Variants in LOC400499 observed in about 807,000 individuals in gnomAD.
At chr16:11,436,337 T>C in the LOC400499 span, among the ~76,000 whole-genome samples, 7 of 152,052 alleles carry the variant, frequency 4.6e-5, no homozygotes, top group African/African-American at 1.7e-4. Context: ...TCAAAGAGGA[T>C]GGCATCTGGG....
chr16:11,463,786 T>C, the LOC400499 span, among the ~76,000 whole-genome samples: 1 of 152,178 alleles, frequency 6.6e-6, no homozygotes, highest in African/African-American at 2.4e-5. Flanking sequence ...CAGATGTGTC[T>C]ACATATGGAT....
chr16:11,526,800 C>T, the LOC400499 span, among the ~76,000 whole-genome samples: 2 of 152,118 alleles, frequency 1.3e-5, no homozygotes, highest in South Asian at 4.1e-4. Context: ...CAGCCTCGAC[C>T]TGCTGGGCTC....
the LOC400499 span, among the ~76,000 whole-genome samples, chr16:11,413,986 G>A: frequency 6.6e-6 from 1 of 152,268 alleles, no homozygotes; most frequent in East Asian, 1.9e-4. Flanking sequence ...AGCCTGAGGA[G>A]GATGAGACTG....
At chr16:11,514,477 G>A in the LOC400499 span, 200 of 399,480 alleles carry the variant, frequency 5.0e-4, 2 homozygotes, top group African/African-American at 3.1e-3. Context: ...CTGTGCAGGA[G>A]GCCTCCCTCA....
the LOC400499 span, among the ~76,000 whole-genome samples, chr16:11,498,060 G>A: frequency 1.3e-5 from 2 of 152,128 alleles, no homozygotes; most frequent in Non-Finnish European, 2.9e-5. Context: ...TCCCTGAAAA[G>A]CTAAGAAAAC....
chr16:11,507,070 G>A, the LOC400499 span, among the ~76,000 whole-genome samples: 1 of 152,332 alleles, frequency 6.6e-6, no homozygotes, highest in South Asian at 2.1e-4. Context: ...CAAAAGTGGA[G>A]ATCGAGGCCC....
the LOC400499 span, among the ~76,000 whole-genome samples, chr16:11,430,843 G>T: frequency 1.4e-4 from 21 of 152,198 alleles, no homozygotes; most frequent in Non-Finnish European, 2.6e-4. Flanking sequence ...TTAGTGAGCA[G>T]ATTTTCTTTG....
At chr16:11,516,866 C>G in the LOC400499 span, among the ~76,000 whole-genome samples, 1 of 152,194 alleles carries the variant, frequency 6.6e-6, no homozygotes, top group South Asian at 2.1e-4. Flanking sequence ...AGGCTGATCT[C>G]AAACTCCTGA....
the LOC400499 span, among the ~76,000 whole-genome samples, chr16:11,382,547 C>G: frequency 3.9e-5 from 6 of 152,196 alleles, no homozygotes; most frequent in African/African-American, 1.4e-4. Flanking sequence ...GGGAACAACA[C>G]ACATTTGGTC....
chr16:11,469,205 C>A, the LOC400499 span: 1 of 399,582 alleles, frequency 2.5e-6, no homozygotes. Context: ...TGTCATCCAG[C>A]ACCAGCTCCA....
the LOC400499 span, chr16:11,385,326 G>A: frequency 1.6e-6 from 2 of 1,232,298 alleles, no homozygotes; most frequent in African/African-American, 1.5e-5. Context: ...AAAGTCCTGG[G>A]CCAGGAGGAT....
the LOC400499 span, chr16:11,385,047 A>G: frequency 8.1e-7 from 1 of 1,232,080 alleles, no homozygotes; most frequent in African/African-American, 1.6e-5. Flanking sequence ...GGCAGGGAGG[A>G]GTTGTACAGC....
At chr16:11,496,631 T>C in the LOC400499 span, among the ~76,000 whole-genome samples, 1 of 152,094 alleles carries the variant, frequency 6.6e-6, no homozygotes, top group African/African-American at 2.4e-5. Context: ...ATCTCGTGTG[T>C]CCCATTGGAT....
At chr16:11,436,196 G>A in the LOC400499 span, among the ~76,000 whole-genome samples, 1 of 152,156 alleles carries the variant, frequency 6.6e-6, no homozygotes, top group Non-Finnish European at 1.5e-5. Context: ...AGTCTGCCTA[G>A]CTCTAAAACT....
chr16:11,451,966 C>G, the LOC400499 span, among the ~76,000 whole-genome samples: 688 of 152,266 alleles, frequency 4.5e-3, 9 homozygotes, highest in African/African-American at 0.016. Flanking sequence ...CGCACGGATC[C>G]CTGGAGAGCC....
chr16:11,432,795 G>C, the LOC400499 span, among the ~76,000 whole-genome samples: 2 of 152,084 alleles, frequency 1.3e-5, no homozygotes, highest in African/African-American at 4.8e-5. Flanking sequence ...ACTTCCTGAG[G>C]GCCACTGCAA....
the LOC400499 span, among the ~76,000 whole-genome samples, chr16:11,403,305 T>A: frequency 6.6e-6 from 1 of 152,156 alleles, no homozygotes; most frequent in African/African-American, 2.4e-5. Flanking sequence ...GCTGACCACA[T>A]GCAGGGCTAG....
At chr16:11,393,515 G>A in the LOC400499 span, 1,142 of 1,232,378 alleles carry the variant, frequency 9.3e-4, 10 homozygotes, top group African/African-American at 0.016. Context: ...TCGAGGTGGA[G>A]ACACGGCCCA....
chr16:11,471,641 G>T, the LOC400499 span: 1 of 399,106 alleles, frequency 2.5e-6, no homozygotes, highest in Non-Finnish European at 4.4e-6. Context: ...CGGGGCTGTT[G>T]TCTAGGGCCC....
Sources: gnomAD v4.1 joint callset for allele counts (sites outside exome capture counted in the v4.1 genomes callset) on GRCh38, gnomAD v4.1.1 for gene constraint, MANE v1.5 for transcripts.